Variants in ACOXL observed in about 807,000 individuals in gnomAD.
ACOXL encodes the protein acyl-CoA oxidase like.
In ACOXL, 70 loss-of-function variants were observed where a neutral mutation model predicts 71.9. The observed-to-expected ratio is 0.97, with a 90% CI of 0.80 to 1.19. The LOEUF (loss-of-function observed/expected upper bound fraction) is 1.19, where lower values mean the gene tolerates loss of function less well. Among genes scored for constraint, ACOXL ranks in the 50% most tolerant of loss-of-function variants. The probability of loss-of-function intolerance (pLI) is 0.00; values close to 1 mark genes in which losing one functional copy is unlikely to be tolerated. For synonymous variants in ACOXL, 253 were observed against 281.6 expected, an observed-to-expected ratio of 0.90 and a Z score of 1.02; for missense variants, 703 against 736.3, an observed-to-expected ratio of 0.95 and a Z score of 0.52.
At chr2:110,734,555 T>C (rs955990837) in intron 1 of ACOXL, among the ~76,000 whole-genome samples, 2 of 152,046 alleles carry the variant, frequency 1.3e-5, no homozygotes, top group African/African-American at 4.8e-5. Context: ...TCATAATTCT[T>C]AACAGTGCAA....
In ACOXL at chr2:111,096,212, T is replaced by C. The variant is rs1033230298; in HGVS notation, c.1542+3246T>C. Among the ~76,000 whole-genome samples, 3 of 139,114 alleles carry C rather than the reference T, an allele frequency of 2.2e-5. No homozygotes were observed. The Admixed American group carries it at 2.3e-4, about 11-fold the overall frequency. 91.3% of individuals were successfully genotyped at this position (139,114 alleles called of 152,430 possible). ...AGTTTTTAATTCCAATTGTTAGAAT[T>C]TTTATTTTTAAAATTATTATTATTA... On this transcript the variant is annotated intron_variant, in intron 17 of 17. Coordinates refer to ENST00000439055, the MANE Select transcript of ACOXL (RefSeq NM_001142807.4).
chr2:110,936,130 C>A (rs886682890), intron 12 of ACOXL, among the ~76,000 whole-genome samples: 11 of 152,144 alleles, frequency 7.2e-5, no homozygotes, highest in African/African-American at 2.4e-4. Flanking sequence ...GATTGGGGAA[C>A]CCTGCTCTAC....
chr2:111,082,501 A>G (rs915698181), intron 16 of ACOXL, among the ~76,000 whole-genome samples: 3 of 152,234 alleles, frequency 2.0e-5, no homozygotes, highest in Non-Finnish European at 2.9e-5. Context: ...TAGAATGGCA[A>G]TCATTAAAAA....
At chr2:111,058,591 C>A (rs770190651) in intron 16 of ACOXL, among the ~76,000 whole-genome samples, 5 of 152,162 alleles carry the variant, frequency 3.3e-5, no homozygotes, top group Admixed American at 6.5e-5. Flanking sequence ...TCCTCTTGCC[C>A]TTACTAAATT....
At chr2:110,863,041 T>C (rs1694149744) in intron 10 of ACOXL, among the ~76,000 whole-genome samples, 1 of 152,240 alleles carries the variant, frequency 6.6e-6, no homozygotes, top group African/African-American at 2.4e-5. Context: ...ATTTCTGATT[T>C]GCTCTAATTC....
chr2:111,078,617 G>A (rs991610982), intron 16 of ACOXL, among the ~76,000 whole-genome samples: 9 of 152,044 alleles, frequency 5.9e-5, no homozygotes, highest in Non-Finnish European at 8.8e-5. Context: ...GTTTCAAGAC[G>A]GTTTGTGATT....
intron 2 of ACOXL, among the ~76,000 whole-genome samples, chr2:110,774,657 A>T (rs1423385785): frequency 1.3e-5 from 2 of 152,254 alleles, no homozygotes; most frequent in Non-Finnish European, 2.9e-5. Context: ...AAAATTGCTG[A>T]AAGTAATAAA....
intron 12 of ACOXL, among the ~76,000 whole-genome samples, chr2:110,970,988 A>G (rs975150273): frequency 6.6e-6 from 1 of 152,148 alleles, no homozygotes; most frequent in Admixed American, 6.5e-5. Flanking sequence ...GAAAAATAAA[A>G]TTTTTTATTC....
chr2:110,900,462 A>G (rs2059191027), intron 10 of ACOXL, among the ~76,000 whole-genome samples: 1 of 152,164 alleles, frequency 6.6e-6, no homozygotes, highest in Non-Finnish European at 1.5e-5. Context: ...CCTCATGCTC[A>G]TTATCAGCCC....
intron 10 of ACOXL, chr2:110,887,764 A>G (rs1321398169): frequency 6.6e-6 from 1 of 152,196 alleles, no homozygotes; most frequent in African/African-American, 2.4e-5. Context: ...TGTCCCCATT[A>G]TTGACTGTTA....
intron 10 of ACOXL, among the ~76,000 whole-genome samples, chr2:110,882,917 T>C (rs1418478490): frequency 6.6e-6 from 1 of 152,228 alleles, no homozygotes; most frequent in African/African-American, 2.4e-5. Flanking sequence ...GTTGTTTGCA[T>C]GTATTTCAAA....
intron 12 of ACOXL, among the ~76,000 whole-genome samples, chr2:110,956,592 G>A (rs577910692): frequency 2.0e-5 from 3 of 152,232 alleles, no homozygotes; most frequent in Admixed American, 6.5e-5. Context: ...CACTGGGCAC[G>A]GTGGAGGTCA....
chr2:110,756,405 A>G (rs1158280968), intron 1 of ACOXL, among the ~76,000 whole-genome samples: 1 of 152,218 alleles, frequency 6.6e-6, no homozygotes, highest in African/African-American at 2.4e-5. Context: ...TTGGGATTAC[A>G]GGTATGAGCC....
At position 110,779,574 on chromosome 2, in the gene ACOXL, A is replaced by G. The variant is rs944752338; in HGVS notation, c.76-5158A>G. Among the ~76,000 whole-genome samples, 10 of 152,378 alleles carry G rather than the reference A, an allele frequency of 6.6e-5. No individual in the cohort carries two copies. In the East Asian group the frequency reaches 1.3e-3, roughly 21 times the overall value. ...GACTCACTACATGACTTCAGCCCTT[A>G]TATTATAAAGCTGCTCAAGGTCATG... On this transcript the variant is annotated intron_variant, in intron 2 of 17. Transcript: ENST00000439055.
At chr2:110,846,854 A>G (rs1157521059) in intron 10 of ACOXL, among the ~76,000 whole-genome samples, 1 of 152,016 alleles carries the variant, frequency 6.6e-6, no homozygotes, top group African/African-American at 2.4e-5. Context: ...AGGGGTCAGG[A>G]AGCAGAGAAA....
At chr2:110,921,542 T>C (rs1175084211) in intron 11 of ACOXL, among the ~76,000 whole-genome samples, 1 of 151,976 alleles carries the variant, frequency 6.6e-6, no homozygotes, top group Non-Finnish European at 1.5e-5. Flanking sequence ...TACAGGTGCC[T>C]GCCACCACGT....
intron 12 of ACOXL, chr2:110,967,691 T>G: frequency 2.6e-6 from 1 of 381,182 alleles, no homozygotes; most frequent in Admixed American, 4.2e-5. Flanking sequence ...ACAATTATAG[T>G]TGGATATTTC....
At chr2:111,087,968 T>G (rs1000825996) in intron 16 of ACOXL, among the ~76,000 whole-genome samples, 24 of 152,038 alleles carry the variant, frequency 1.6e-4, no homozygotes, top group African/African-American at 5.3e-4. Context: ...ACAACCCCAT[T>G]GAAGAGTAGG....
intron 14 of ACOXL, among the ~76,000 whole-genome samples, chr2:111,006,123 G>A (rs2063859502): frequency 2.0e-5 from 3 of 152,306 alleles, no homozygotes; most frequent in African/African-American, 2.4e-5. Context: ...TGAGCTTGAT[G>A]TATTTTCTTA....
Sources: gnomAD v4.1 joint callset for allele counts (sites outside exome capture counted in the v4.1 genomes callset) on GRCh38, gnomAD v4.1.1 for gene constraint, MANE v1.5 for transcripts, NCBI Gene and HGNC (gene_info 2026-07-23, HGNC 2026-07-21) for gene names.